PEX11G: variants seen among roughly 807,000 people sequenced by gnomAD.
The protein encoded by PEX11G is peroxisomal biogenesis factor 11 gamma.
PEX11G carries 20 observed loss-of-function variants against 22.5 expected under a neutral mutation model. That is an observed-to-expected ratio of 0.89 (90% CI 0.62 to 1.29). PEX11G has a LOEUF of 1.29. Among genes scored for constraint, PEX11G ranks in the 50% most tolerant of loss-of-function variants. PEX11G has a pLI of 0.00. For synonymous variants in PEX11G, 141 were observed against 154.5 expected (o/e 0.91, Z 0.65); for missense variants, 347 against 331.3 (o/e 1.05, Z -0.37).
chr19:7,491,236 GTC>G (rs985311694), upstream of PEX11G: 1 of 146,492 alleles, frequency 6.8e-6, no homozygotes, highest in African/African-American at 2.5e-5. Context: ...ATTCTCTGCT[GTC>G]TCTCTGTATT....
At chr19:7,482,360 C>A (rs747273861) in intron 2 of PEX11G, 149 bp from the exon 3 acceptor site, 1 of 897,756 alleles carries the variant, frequency 1.1e-6, no homozygotes, top group Non-Finnish European at 1.6e-6. Flanking sequence ...GAGAAAGGCT[C>A]TGGGGCTGGG....
At chr19:7,490,327 A>ATT (rs557189344), upstream of PEX11G, among the ~76,000 whole-genome samples, 2,700 of 146,052 alleles carry the variant, frequency 0.018, 83 homozygotes, top group African/African-American at 0.065. Flanking sequence ...TCCCTTGTTA[A>ATT]TTTTTTTTTT....
rs1484400558 is a variant in PEX11G at position 7,485,810 on chromosome 19, C to T, written c.249+28G>A. ...AATGTCCACTCAGGTCCGCACCCTA[C>T]TCCCTAGAGCCCCACAAACCCTGTT... On this transcript the variant is annotated intron_variant, in intron 2 of 4. Coordinates refer to ENST00000221480, the MANE Select transcript of PEX11G (RefSeq NM_080662.4). The T allele has an allele frequency of 4.5e-6, 7 of 1,558,876 alleles. No homozygotes were observed. In the South Asian group the frequency reaches 5.8e-5, roughly 13 times the overall value.
chr19:7,482,228 A>G lies in PEX11G; in HGVS notation c.250-17T>C. 1.9e-6 allele frequency: 3 copies of G among 1,548,508 alleles called. No homozygotes were observed. The highest frequency in any genetic ancestry group is 8.7e-7 in the Non-Finnish European group (1 of 1,148,356). On this transcript the variant is annotated splice_polypyrimidine_tract_variant and intron_variant, in intron 2 of 4. Transcript: ENST00000221480. ...GTCCTCCTCCTGCAGGACCAGGAGC[A>G]GAGGGGGCCTAGGGTCAGACTTACC...
intron 3 of PEX11G, among the ~76,000 whole-genome samples, chr19:7,479,092 G>C (rs1428028739): frequency 6.6e-6 from 1 of 152,188 alleles, no homozygotes; most frequent in Admixed American, 6.5e-5. Flanking sequence ...GGGTACCCAG[G>C]GTGCAGGATG....
At chr19:7,480,381 C>T (rs1271358568) in intron 3 of PEX11G, among the ~76,000 whole-genome samples, 1 of 152,190 alleles carries the variant, frequency 6.6e-6, no homozygotes, top group Non-Finnish European at 1.5e-5. Flanking sequence ...CCCCTCTGAC[C>T]GGAGCCCCAG....
In PEX11G at chr19:7,477,388, C is replaced by A; in HGVS notation, c.540G>T (p.Ser180=). Reference sequence around the variant, plus strand: ...GGTTGCTGAGAAGTGACAGCGCCTCCGACTGCATCTGCGCCTCCATGGCCC... The same window carrying A: ...GGTTGCTGAGAAGTGACAGCGCCTCAGACTGCATCTGCGCCTCCATGGCCC... The part of the protein sequence containing the change: ...KRRAMEAQMQ[S]EALSLLSNLA... Residue 180 remains serine (S), a synonymous_variant, in exon 5 of 5, where the codon TCG becomes TCT. Coordinates refer to ENST00000221480, the MANE Select transcript of PEX11G (RefSeq NM_080662.4). 6.5e-7 allele frequency: 1 copy of A among 1,545,054 alleles called. No individual in the cohort carries two copies. Among genetic ancestry groups the A allele is most frequent in the African/African-American group, 1.4e-5 (1 of 72,616 alleles).
At chr19:7,493,910 T>TC (rs1178255976), upstream of PEX11G, among the ~76,000 whole-genome samples, 2 of 123,450 alleles carry the variant, frequency 1.6e-5, no homozygotes, top group East Asian at 4.3e-4. Context: ...GGGGTCACTC[T>TC]TTTTTTTTTT....
intron 1 of PEX11G, among the ~76,000 whole-genome samples, chr19:7,487,610 C>T (rs1406628056): frequency 3.3e-5 from 5 of 152,030 alleles, no homozygotes; most frequent in African/African-American, 4.8e-5. Flanking sequence ...TTAGTAGAGA[C>T]GAGGTTTCAT....
At chr19:7,489,274 G>T (rs902885293), upstream of PEX11G, 24 of 1,241,970 alleles carry the variant, frequency 1.9e-5, no homozygotes, top group Non-Finnish European at 2.3e-5. Context: ...AACTACCCAC[G>T]CACAAAAAAA....
chr19:7,486,889 G>A (rs1430438961), intron 1 of PEX11G, among the ~76,000 whole-genome samples: 1 of 151,972 alleles, frequency 6.6e-6, no homozygotes, highest in Non-Finnish European at 1.5e-5. Flanking sequence ...GTAAGCCACC[G>A]CGCCTGGCTA....
Position 7,478,359 on chromosome 19 carries a change from A to G in PEX11G, c.446T>C (p.Leu149Pro), listed in dbSNP as rs777082835. 1.9e-6 allele frequency: 3 copies of G among 1,611,084 alleles called. No homozygotes were observed. The highest frequency in any genetic ancestry group is 1.1e-5 in the South Asian group (1 of 90,488). Residue 149 changes from leucine to proline, a missense_variant, in exon 4 of 5, where the codon CTG becomes CCG. Transcript: ENST00000221480. ...GCTCCGCAGCCTCTGTCTCAGTTTC[A>G]GCAGCATCCACAGGGACCTGCAGCA... ...LGVARSLWMLLKLRQRLRSPT... is the reference protein window; with the variant it reads ...LGVARSLWMLPKLRQRLRSPT...
chr19:7,477,245 T>C lies in PEX11G; in HGVS notation c.683A>G (p.Gln228Arg). 6.4e-7 allele frequency: 1 copy of C among 1,563,602 alleles called. No individual in the cohort carries two copies. Among genetic ancestry groups the C allele is most frequent in the African/African-American group, 1.4e-5 (1 of 73,012 alleles). ...GTISSILSMYQAARAGGQAEA... is the reference protein window; with the variant it reads ...GTISSILSMYRAARAGGQAEA... ...GGCCTGGCCGCCGGCCCGGGCCGCCTGGTACATGCTGAGGATTGAGGAGAT... is the reference window on the plus strand; with the variant it reads ...GGCCTGGCCGCCGGCCCGGGCCGCCCGGTACATGCTGAGGATTGAGGAGAT... Residue 228 changes from glutamine (Q) to arginine (R), a missense_variant, in exon 5 of 5, where the codon CAG (glutamine) becomes CGG (arginine). Transcript: ENST00000221480.
intron 3 of PEX11G, among the ~76,000 whole-genome samples, chr19:7,479,991 T>C (rs1028330076): frequency 6.6e-6 from 1 of 151,656 alleles, no homozygotes; most frequent in Non-Finnish European, 1.5e-5. Flanking sequence ...GGGCCGGGAG[T>C]GGTGGCTCAC....
At chr19:7,492,831 T>G (rs886994790), upstream of PEX11G, 8 of 152,252 alleles carry the variant, frequency 5.3e-5, no homozygotes, top group Admixed American at 1.3e-4. Context: ...TCCTGTTGTT[T>G]AAAGTTACAG....
intron 1 of PEX11G, among the ~76,000 whole-genome samples, chr19:7,494,258 G>A (rs1051006889): frequency 6.6e-6 from 1 of 152,140 alleles, no homozygotes; most frequent in Non-Finnish European, 1.5e-5. Flanking sequence ...CAGCTGCAGT[G>A]GCCTGTGCCT....
chr19:7,482,145 A>G lies in PEX11G; in HGVS notation c.316T>C (p.Cys106Arg). Reference sequence around the variant, plus strand: ...TCAGCCGCCCAGGCCACGTGCTCACAGGGGTAGTAGAGCTGGTCAGCCAGG... The same window carrying G: ...TCAGCCGCCCAGGCCACGTGCTCACGGGGGTAGTAGAGCTGGTCAGCCAGG... ...GNLADQLYYP[C>R]EHVAWAADAR... is the part of the protein sequence containing the mutation. Residue 106 changes from cysteine to arginine, a missense_variant, in exon 3 of 5, where the codon TGT (cysteine) becomes CGT (arginine). Physicochemically the swap from Cys to Arg is radical, Grantham distance 180 (BLOSUM62 -3). Transcript: ENST00000221480. 6.3e-7 allele frequency: 1 copy of G among 1,593,556 alleles called. No homozygotes were observed.
intron 2 of PEX11G, among the ~76,000 whole-genome samples, chr19:7,485,494 T>G (rs1024042281): frequency 6.6e-6 from 1 of 152,208 alleles, no homozygotes; most frequent in Non-Finnish European, 1.5e-5. Context: ...TAGCTGGGAC[T>G]GCAGGCGCCT....
At chr19:7,490,577 G>A (rs559347607), upstream of PEX11G, among the ~76,000 whole-genome samples, 4 of 142,030 alleles carry the variant, frequency 2.8e-5, no homozygotes, top group Admixed American at 1.5e-4. Flanking sequence ...CTGACCTCGT[G>A]ATCCGCCCGT....
Sources: gnomAD v4.1 joint callset for allele counts (sites outside exome capture counted in the v4.1 genomes callset) on GRCh38, gnomAD v4.1.1 for gene constraint, MANE v1.5 for transcripts, NCBI Gene and HGNC (gene_info 2026-07-23, HGNC 2026-07-21) for gene names.